The following UQCRH variants were observed in gnomAD, a reference collection of about 807,000 sequenced individuals.
The protein encoded by UQCRH is cytochrome b-c1 complex subunit 6, mitochondrial.
Under a neutral mutation model 16.3 loss-of-function variants are expected in UQCRH, and 14 were observed. The ratio of observed to expected loss-of-function variants is 0.86; its 90% CI spans 0.57 to 1.34. The LOEUF (loss-of-function observed/expected upper bound fraction) is 1.34. Among genes scored for constraint, UQCRH ranks in the 40% most tolerant of loss-of-function variants. UQCRH has a pLI of 0.00. For missense variants in UQCRH, 89 were observed against 111.9 expected (o/e 0.80, Z 0.92); for synonymous variants, 41 against 41.9 (o/e 0.98, Z 0.08).
At chr1:46,309,823 T>C in intron 2 of UQCRH, 13 of 1,252,284 alleles carry the variant, frequency 1.0e-5, no homozygotes, top group Non-Finnish European at 1.3e-5. Flanking sequence ...TCCAAAATGC[T>C]GTGTTAACAA....
At chr1:46,303,949 T>G in intron 1 of UQCRH, 129 bp downstream of exon 1, 1 of 1,179,144 alleles carries the variant, frequency 8.5e-7, no homozygotes, top group Non-Finnish European at 1.2e-6. Flanking sequence ...GGAGCTCTAG[T>G]TCCCTCGACC....
intron 2 of UQCRH, 73 bp from the exon 3 acceptor site, chr1:46,310,082 T>G: frequency 6.2e-7 from 1 of 1,600,120 alleles, no homozygotes. Context: ...GTGGTTGTGT[T>G]AATCAAAGCA....
At chr1:46,315,719 C>A (rs1489496500) in intron 3 of UQCRH, among the ~76,000 whole-genome samples, 1 of 151,448 alleles carries the variant, frequency 6.6e-6, no homozygotes, top group African/African-American at 2.4e-5. Context: ...CCTGGATAAA[C>A]CTTGCAAACA....
Position 46,316,560 on chromosome 1 carries a change from C to T in UQCRH, c.252C>T (p.His84=). The change falls in exon 4 of 4, where the codon CAC becomes CAT. Residue 84 remains histidine, a synonymous_variant. Transcript: ENST00000311672. ...TTCTTTCCCCCATCTAGGTGGCCCA[C>T]AAACTCTTTAACAACTTGAAATAAA... The part of the protein sequence containing the change: ...FLHARDHCVA[H]KLFNNLK 6.2e-7 allele frequency: 1 copy of T among 1,613,470 alleles called. No individual in the cohort carries two copies. The highest frequency in any genetic ancestry group is 8.5e-7 in the Non-Finnish European group (1 of 1,179,790).
intron 1 of UQCRH, 21 bp downstream of exon 1, chr1:46,303,841 C>T (rs1661305448): frequency 1.2e-6 from 2 of 1,614,008 alleles, no homozygotes; most frequent in Admixed American, 1.7e-5. Flanking sequence ...GCGATCCACT[C>T]GGCCCTCTTC....
At chr1:46,304,330 A>G (rs2148331013) in intron 1 of UQCRH, among the ~76,000 whole-genome samples, 1 of 152,228 alleles carries the variant, frequency 6.6e-6, no homozygotes, top group South Asian at 2.1e-4. Context: ...CCAGAGAAAG[A>G]GTGCTGCTAT....
chr1:46,315,622 G>GA (rs955200682), intron 3 of UQCRH, among the ~76,000 whole-genome samples: 18 of 138,086 alleles, frequency 1.3e-4, no homozygotes, highest in Admixed American at 5.1e-4. Context: ...GATTAAAATA[G>GA]AAAAAAAAAA....
Position 46,310,308 on chromosome 1 carries a change from GA to G in UQCRH, c.236del (p.Asp79AlafsTer12). The G allele has an allele frequency of 6.2e-7, 1 of 1,614,130 alleles. No individual in the cohort carries two copies. Among genetic ancestry groups the G allele is most frequent in the East Asian group, 2.2e-5 (1 of 44,890 alleles). ...GCTCTTTGACTTCTTGCATGCGAGG[GA>G]CCATTGCGTAAGTCAGTGGGAAGTC... The part of the protein sequence containing the change: ...EELFDFLHAR[D>X]HCVAHKLFNN... On this transcript the variant is annotated frameshift_variant, in exon 3 of 4. Transcript: ENST00000311672. LOFTEE classifies it high-confidence loss of function.
chr1:46,311,625 G>C (rs1395761860), intron 3 of UQCRH, among the ~76,000 whole-genome samples: 3 of 151,342 alleles, frequency 2.0e-5, no homozygotes, highest in Non-Finnish European at 4.4e-5. Flanking sequence ...CGGAGTCTTG[G>C]TCTGTCGCCC....
intron 1 of UQCRH, among the ~76,000 whole-genome samples, chr1:46,306,451 G>GCAA (rs1242308119): frequency 7.1e-6 from 1 of 141,038 alleles, no homozygotes; most frequent in African/African-American, 2.7e-5. Context: ...CGATCTCACT[G>GCAA]CAACCTCTGC....
At chr1:46,309,328 A>G in intron 2 of UQCRH, 1 of 567,582 alleles carries the variant, frequency 1.8e-6, no homozygotes, top group Non-Finnish European at 3.0e-6. Flanking sequence ...GGGCTTCTTC[A>G]GTTGTGGTAC....
chr1:46,309,377 C>T, intron 2 of UQCRH: 1 of 473,012 alleles, frequency 2.1e-6, no homozygotes, highest in Non-Finnish European at 3.7e-6. Flanking sequence ...GGCACTCAAT[C>T]ATCTGCTATT....
At chr1:46,313,375 TC>T (rs1661516833) in intron 3 of UQCRH, among the ~76,000 whole-genome samples, 1 of 152,144 alleles carries the variant, frequency 6.6e-6, no homozygotes, top group South Asian at 2.1e-4. Context: ...ACGCCTGTAA[TC>T]CCAGCCCTTT....
chr1:46,313,765 G>C (rs1661527222), intron 3 of UQCRH, among the ~76,000 whole-genome samples: 1 of 151,612 alleles, frequency 6.6e-6, no homozygotes, highest in Non-Finnish European at 1.5e-5. Context: ...ACCTGAGCCT[G>C]GGGAAGTCAA....
intron 3 of UQCRH, among the ~76,000 whole-genome samples, chr1:46,312,150 C>T (rs146538713): frequency 0.015 from 2,346 of 151,774 alleles, 54 homozygotes; most frequent in South Asian, 0.077. Flanking sequence ...GGCTGGAGTG[C>T]AGTGGCGCAA....
intron 2 of UQCRH, chr1:46,309,430 G>A (rs1269546231): frequency 5.9e-6 from 2 of 338,618 alleles, no homozygotes; most frequent in Admixed American, 4.5e-5. Flanking sequence ...GGTGGCTCGT[G>A]CCTGTAATCT....
chr1:46,306,385 T>G (rs1027867192), intron 1 of UQCRH, among the ~76,000 whole-genome samples: 4 of 149,608 alleles, frequency 2.7e-5, no homozygotes, highest in South Asian at 2.1e-4. Context: ...TTTCAGTTTT[T>G]TTTTTTTTTT....
chr1:46,315,522 A>T (rs1661567659), intron 3 of UQCRH, among the ~76,000 whole-genome samples: 2 of 140,984 alleles, frequency 1.4e-5, no homozygotes, highest in African/African-American at 5.3e-5. Context: ...TGAACCCGGG[A>T]GGCGGAGGTT....
At chr1:46,306,632 A>G (rs1047197041) in intron 1 of UQCRH, among the ~76,000 whole-genome samples, 34 of 152,160 alleles carry the variant, frequency 2.2e-4, no homozygotes, top group African/African-American at 6.5e-4. Context: ...TTGGCCTCCC[A>G]AAGTGCTGGG....
Sources: gnomAD v4.1 joint callset for allele counts (sites outside exome capture counted in the v4.1 genomes callset) on GRCh38, gnomAD v4.1.1 for gene constraint, MANE v1.5 for transcripts, NCBI Gene and HGNC (gene_info 2026-07-23, HGNC 2026-07-21) for gene names.